The following AKAP7 variants were observed in gnomAD, a reference collection of about 807,000 sequenced individuals.
AKAP7 encodes the protein A-kinase anchoring protein 7.
In AKAP7, 39 loss-of-function variants were observed where a neutral mutation model predicts 39.5. The ratio of observed to expected loss-of-function variants is 0.99; its 90% CI spans 0.76 to 1.29. The LOEUF (loss-of-function observed/expected upper bound fraction) is 1.29, where lower values mean the gene tolerates loss of function less well. Among genes scored for constraint, AKAP7 ranks in the 50% most tolerant of loss-of-function variants. The pLI is 0.00. For synonymous variants in AKAP7, 140 were observed against 139.1 expected, an observed-to-expected ratio of 1.01 and a Z score of -0.05; for missense variants, 414 against 407.7, an observed-to-expected ratio of 1.02 and a Z score of -0.13.
intron 2 of AKAP7, among the ~76,000 whole-genome samples, chr6:131,157,055 A>G (rs560208466): frequency 4.9e-4 from 74 of 152,276 alleles, no homozygotes; most frequent in Middle Eastern, 3.4e-3. Context: ...GATTACAGGC[A>G]TGAGCCACCA....
rs535278097 is a variant in AKAP7 at position 131,206,197 on chromosome 6, A to G, written c.702+6624A>G. Among the ~76,000 whole-genome samples the G allele has an allele frequency of 9.8e-5, 15 of 152,334 alleles. No individual in the cohort carries two copies. In the South Asian group the frequency reaches 2.7e-3, roughly 27 times the overall value. The stretch of plus-strand genomic sequence containing the variant: ...TATAGATCAGTTGTTTTTAATCACA[A>G]ATTATTTTCTGGGCTTCTTAGGTAT... On this transcript the variant is annotated intron_variant, in intron 6 of 7. Coordinates refer to ENST00000431975, the MANE Select transcript of AKAP7 (RefSeq NM_016377.4).
chr6:131,279,902 A>G (rs1004791876), intron 7 of AKAP7, among the ~76,000 whole-genome samples: 5 of 152,196 alleles, frequency 3.3e-5, no homozygotes, highest in African/African-American at 1.2e-4. Context: ...GTCATTATAC[A>G]AACAGTTCCA....
chr6:131,150,572 G>T (rs1399016472), intron 2 of AKAP7, among the ~76,000 whole-genome samples: 3 of 152,022 alleles, frequency 2.0e-5, no homozygotes, highest in African/African-American at 7.2e-5. Flanking sequence ...GCAAATATCT[G>T]CCCCAAATAA....
At chr6:131,210,358 C>G (rs994183876) in intron 6 of AKAP7, among the ~76,000 whole-genome samples, 1 of 152,242 alleles carries the variant, frequency 6.6e-6, no homozygotes, top group African/African-American at 2.4e-5. Flanking sequence ...AGGGCCAATC[C>G]TCACTTTATC....
intron 7 of AKAP7, among the ~76,000 whole-genome samples, chr6:131,264,012 A>ATAATT (rs1461134274): frequency 6.6e-6 from 1 of 152,122 alleles, no homozygotes; most frequent in Non-Finnish European, 1.5e-5. Flanking sequence ...ACTTGCTATT[A>ATAATT]TAATTTATGT....
chr6:131,152,205 C>CT, intron 2 of AKAP7, among the ~76,000 whole-genome samples: 1 of 152,150 alleles, frequency 6.6e-6, no homozygotes, highest in African/African-American at 2.4e-5. Context: ...CAACTGATGA[C>CT]TTTTTTGCTA....
chr6:131,262,291 A>ACTT (rs2128327413), intron 7 of AKAP7, among the ~76,000 whole-genome samples: 1 of 152,250 alleles, frequency 6.6e-6, no homozygotes, highest in African/African-American at 2.4e-5. Context: ...TCTTGGCAGA[A>ACTT]CTTTTAGCAG....
chr6:131,235,896 A>G (rs1319485834), intron 7 of AKAP7, among the ~76,000 whole-genome samples: 2 of 152,182 alleles, frequency 1.3e-5, no homozygotes, highest in Admixed American at 6.5e-5. Context: ...TTTGCTGTGC[A>G]GAAGCTCTTT....
chr6:131,253,892 G>A lies in AKAP7; in HGVS notation c.851-27638G>A, dbSNP rs564455547. Among the ~76,000 whole-genome samples, 426 of 152,128 alleles carry A rather than the reference G, an allele frequency of 2.8e-3. 2 individuals are homozygous for A. Among genetic ancestry groups the A allele is most frequent in the African/African-American group, 9.9e-3 (411 of 41,494 alleles). ...CATTCATCTATTGATGGAAAGTTAG[G>A]TTGATTCCGTATTTGGCTCTTGTGA... On this transcript the variant is annotated intron_variant, in intron 7 of 7. Coordinates refer to ENST00000431975, the MANE Select transcript of AKAP7 (RefSeq NM_016377.4).
intron 7 of AKAP7, chr6:131,250,508 A>G: frequency 6.2e-7 from 1 of 1,612,898 alleles, no homozygotes; most frequent in Non-Finnish European, 8.5e-7. Context: ...TATAAACTGC[A>G]ATTTCTATTT....
chr6:131,184,259 G>A, intron 5 of AKAP7: 1 of 469,984 alleles, frequency 2.1e-6, no homozygotes, highest in Non-Finnish European at 4.2e-6. Context: ...GGAAAGGTGG[G>A]TATGAAAAAT....
At position 131,182,669 on chromosome 6, in the gene AKAP7, G is replaced by A. The variant is rs74676388; in HGVS notation, c.589+13396G>A. On this transcript the variant is annotated intron_variant, in intron 5 of 7. Transcript: ENST00000431975. Reference sequence around the variant, plus strand: ...TCTTTTGGATATGTAACCAGAAGTGGAATTGCTAAATCATATGGTAGTTTA... The same window carrying A: ...TCTTTTGGATATGTAACCAGAAGTGAAATTGCTAAATCATATGGTAGTTTA... Among the ~76,000 whole-genome samples, 2,175 of 152,260 alleles carry A rather than the reference G, an allele frequency of 0.014. 143 individuals are homozygous for A. In the East Asian group the frequency reaches 0.18, roughly 12 times the overall value.
chr6:131,282,787 C>T lies in AKAP7; in HGVS notation c.*1061C>T. 1 of 502,060 alleles carries T rather than the reference C, an allele frequency of 2.0e-6. No homozygotes were observed. The highest frequency in any genetic ancestry group is 3.5e-6 in the Non-Finnish European group (1 of 287,976). 31.1% of individuals were successfully genotyped at this position (502,060 alleles called of 1,614,324 possible). A position where few individuals can be genotyped will look rare whatever the true frequency, so the allele number is the denominator to read the frequency against. On this transcript the variant is annotated 3_prime_UTR_variant, in exon 8 of 8. Transcript: ENST00000431975. ...CTGCCCAATTATTTTTTGAGCTACA[C>T]TTGTGTTTTAGAATATCTGTTTCTG...
chr6:131,167,215 T>G (rs889932069), intron 4 of AKAP7, among the ~76,000 whole-genome samples: 1 of 152,186 alleles, frequency 6.6e-6, no homozygotes, highest in Non-Finnish European at 1.5e-5. Flanking sequence ...ATATTCTGTT[T>G]AAAATATTTT....
At chr6:131,126,236 T>C in the AKAP7 span, among the ~76,000 whole-genome samples, 1 of 152,270 alleles carries the variant, frequency 6.6e-6, no homozygotes, top group Non-Finnish European at 1.5e-5. Flanking sequence ...TTGAATATGC[T>C]GGCTGTCTTT....
chr6:131,241,036 G>C (rs1407916909), intron 7 of AKAP7, among the ~76,000 whole-genome samples: 1 of 152,178 alleles, frequency 6.6e-6, no homozygotes, highest in Admixed American at 6.5e-5. Flanking sequence ...GTAGACTGGA[G>C]CTGTTCCTAT....
chr6:131,136,467 A>G, intron 1 of AKAP7, among the ~76,000 whole-genome samples: 1 of 152,282 alleles, frequency 6.6e-6, no homozygotes, highest in Middle Eastern at 3.4e-3. Flanking sequence ...TACTATATAA[A>G]TAGCAGTTAA....
At position 131,282,792 on chromosome 6, in the gene AKAP7, G is replaced by T; in HGVS notation, c.*1066G>T. ...CAATTATTTTTTGAGCTACACTTGT[G>T]TTTTAGAATATCTGTTTCTGTAATA... is the stretch of plus-strand genomic sequence containing the variant. On this transcript the variant is annotated 3_prime_UTR_variant, in exon 8 of 8. Coordinates refer to ENST00000431975, the MANE Select transcript of AKAP7 (RefSeq NM_016377.4). 1 of 484,960 alleles carries T rather than the reference G, an allele frequency of 2.1e-6. No homozygotes were observed. Among genetic ancestry groups the T allele is most frequent in the South Asian group, 4.3e-5 (1 of 23,524 alleles). 30.0% of individuals were successfully genotyped at this position (484,960 alleles called of 1,614,324 possible).
At chr6:131,161,727 T>C (rs1802987261) in intron 3 of AKAP7, among the ~76,000 whole-genome samples, 1 of 117,492 alleles carries the variant, frequency 8.5e-6, no homozygotes. Flanking sequence ...GTTTAGGCAA[T>C]ACAAAGTTAG....
Sources: allele counts gnomAD v4.1 joint callset (sites outside exome capture counted in the v4.1 genomes callset), GRCh38; gene constraint gnomAD v4.1.1; transcripts MANE v1.5; gene names NCBI Gene and HGNC (gene_info 2026-07-23, HGNC 2026-07-21).